LPCAT2: variants seen among roughly 807,000 people sequenced by gnomAD.
LPCAT2 encodes lysophosphatidylcholine acyltransferase 2.
A neutral mutation model predicts 64.7 loss-of-function variants in LPCAT2; 58 were observed. The observed-to-expected ratio is 0.90, with a 90% CI of 0.73 to 1.12. LPCAT2 has a LOEUF of 1.12. Among genes scored for constraint, LPCAT2 ranks in the 50% most tolerant of loss-of-function variants. LPCAT2 has a pLI of 0.00. For synonymous variants in LPCAT2, 252 were observed against 245.3 expected (o/e 1.03, Z -0.26); for missense variants, 579 against 669.8 (o/e 0.86, Z 1.50).
chr16:55,525,609 TC>T lies in LPCAT2; in HGVS notation c.275del (p.Pro92LeufsTer4). The T allele has an allele frequency of 6.2e-7, 1 of 1,611,136 alleles. No individual in the cohort carries two copies. The highest frequency in any genetic ancestry group is 8.5e-7 in the Non-Finnish European group (1 of 1,178,500). On this transcript the variant is annotated frameshift_variant, in exon 2 of 14. Transcript: ENST00000262134. LOFTEE classifies it high-confidence loss of function. Reference sequence around the variant, plus strand: ...TTGCTGCAATTTCAACAGTATGCTGTCCTGAAAAGCTGACCCACCCAATAAC... The same window carrying T: ...TTGCTGCAATTTCAACAGTATGCTGTCTGAAAAGCTGACCCACCCAATAAC... The part of the protein sequence containing the change: ...PFAAISTVCC[P>X]EKLTHPITGW...
At chr16:55,537,280 A>T (rs1162412069) in intron 7 of LPCAT2, among the ~76,000 whole-genome samples, 1 of 152,006 alleles carries the variant, frequency 6.6e-6, no homozygotes, top group Non-Finnish European at 1.5e-5. Flanking sequence ...AGTCTCAGCT[A>T]CTTGGGAGGC....
Position 55,525,552 on chromosome 16 carries a change from G to T in LPCAT2, c.216G>T (p.Leu72Phe). 1 of 1,610,338 alleles carries T rather than the reference G, an allele frequency of 6.2e-7. No individual in the cohort carries two copies. The highest frequency in any genetic ancestry group is 1.7e-5 in the Admixed American group (1 of 59,596). Residue 72 changes from leucine (L) to phenylalanine (F), a missense_variant, in exon 2 of 14, where the codon TTG (leucine) becomes TTT (phenylalanine). Coordinates refer to ENST00000262134, the MANE Select transcript of LPCAT2 (RefSeq NM_017839.5). ...GIILLPIRVL[L>F]VALILLLAWP... is the part of the protein sequence containing the mutation. Reference sequence around the variant, plus strand: ...TCTTGCTTCCAATTCGTGTCTTATTGGTTGCGTTAATTTTATTACTTGCAT... The same window carrying T: ...TCTTGCTTCCAATTCGTGTCTTATTTGTTGCGTTAATTTTATTACTTGCAT...
intron 8 of LPCAT2, chr16:55,541,836 A>G (rs1391307949): frequency 7.8e-7 from 1 of 1,285,384 alleles, no homozygotes; most frequent in South Asian, 1.2e-5. Context: ...TGTCTCATCT[A>G]GATGTTTCTG....
intron 12 of LPCAT2, among the ~76,000 whole-genome samples, chr16:55,575,119 T>C (rs1296876840): frequency 6.6e-6 from 1 of 152,206 alleles, no homozygotes; most frequent in East Asian, 1.9e-4. Flanking sequence ...TCATTCTGTA[T>C]GTCAGTGATA....
At chr16:55,529,304 C>A (rs1255253755) in intron 3 of LPCAT2, among the ~76,000 whole-genome samples, 1 of 151,446 alleles carries the variant, frequency 6.6e-6, no homozygotes, top group Non-Finnish European at 1.5e-5. Context: ...TCAGCTAAGA[C>A]ATTTTTTTTT....
At chr16:55,511,197 T>A (rs1474684064) in intron 1 of LPCAT2, among the ~76,000 whole-genome samples, 2 of 152,218 alleles carry the variant, frequency 1.3e-5, no homozygotes, top group Non-Finnish European at 2.9e-5. Flanking sequence ...ATATTGATAG[T>A]TATCCTATAT....
chr16:55,557,886 A>G (rs1475273576), intron 11 of LPCAT2, among the ~76,000 whole-genome samples: 1 of 152,182 alleles, frequency 6.6e-6, no homozygotes, highest in Non-Finnish European at 1.5e-5. Flanking sequence ...ACATGTCTTT[A>G]CATTCTCAGA....
intron 8 of LPCAT2, chr16:55,542,087 GA>G: frequency 1.5e-6 from 1 of 654,584 alleles, no homozygotes; most frequent in Non-Finnish European, 2.1e-6. Context: ...ATGTAGTCAA[GA>G]AAAAATGAAT....
chr16:55,510,112 G>A (rs1262648920), intron 1 of LPCAT2, among the ~76,000 whole-genome samples: 1 of 148,642 alleles, frequency 6.7e-6, no homozygotes, highest in Non-Finnish European at 1.5e-5. Flanking sequence ...GAAAGATTTA[G>A]CTGAGCAGGA....
At chr16:55,539,918 A>G (rs1963375514) in intron 8 of LPCAT2, 1 of 152,106 alleles carries the variant, frequency 6.6e-6, no homozygotes, top group Non-Finnish European at 1.5e-5. Context: ...TATGGTATTA[A>G]TTTTATGGTT....
chr16:55,544,794 G>A (rs1319112513), intron 8 of LPCAT2, among the ~76,000 whole-genome samples: 1 of 152,122 alleles, frequency 6.6e-6, no homozygotes, highest in African/African-American at 2.4e-5. Flanking sequence ...CAGGAAGGAT[G>A]GTTAGTGGAG....
intron 8 of LPCAT2, among the ~76,000 whole-genome samples, chr16:55,543,872 G>A (rs116614964): frequency 4.2e-4 from 64 of 152,324 alleles, no homozygotes; most frequent in African/African-American, 7.2e-4. Context: ...AACACTTTCT[G>A]CAGCTTGCAG....
rs761451244 is a variant in LPCAT2, at chr16:55,525,482, T to G, written c.172-26T>G. 4.4e-6 allele frequency: 7 copies of G among 1,595,068 alleles called. No individual in the cohort carries two copies. The Admixed American group carries it at 7.0e-5, about 16-fold the overall frequency. ...ATGAATTAAAATAATGTCCATTCAT[T>G]TATTTTTACCAACTTTGACTTTCAG... is the stretch of plus-strand genomic sequence containing the variant. On this transcript the variant is annotated intron_variant, in intron 1 of 13. Transcript: ENST00000262134.
At chr16:55,514,975 A>G (rs1962989499) in intron 1 of LPCAT2, among the ~76,000 whole-genome samples, 1 of 151,812 alleles carries the variant, frequency 6.6e-6, no homozygotes, top group South Asian at 2.1e-4. Context: ...ACAAAAAAAG[A>G]ATCAGCAAAC....
In LPCAT2 at chr16:55,545,915, G is replaced by A. The variant is rs190861495; in HGVS notation, c.935+98G>A. On this transcript the variant is annotated intron_variant, in intron 9 of 13. Transcript: ENST00000262134. ...AAGGATTTTTTTTTGACCCCTGAAG[G>A]CCTCGTTCCCCAATTCATTTTGATA... 88 of 787,232 alleles carry A rather than the reference G, an allele frequency of 1.1e-4. No homozygotes were observed. The East Asian group carries it at 1.8e-3, about 16-fold the overall frequency. The allele number at this position is 787,232 out of a possible 1,614,324, so 48.8% of individuals were successfully genotyped here.
chr16:55,554,509 T>C (rs1963553356), intron 11 of LPCAT2, among the ~76,000 whole-genome samples: 1 of 152,250 alleles, frequency 6.6e-6, no homozygotes, highest in Admixed American at 6.5e-5. Context: ...GTTAGAGCCT[T>C]ATTCTGGATT....
chr16:55,533,478 T>C (rs1210449688), intron 6 of LPCAT2, among the ~76,000 whole-genome samples: 2 of 148,160 alleles, frequency 1.3e-5, no homozygotes, highest in African/African-American at 5.0e-5. Context: ...TGGCGTGATC[T>C]TGGCTCACTA....
chr16:55,535,860 G>A (rs1963317099), intron 7 of LPCAT2, among the ~76,000 whole-genome samples: 2 of 152,120 alleles, frequency 1.3e-5, no homozygotes. Flanking sequence ...TCAAATAGGA[G>A]AAAGCTTTTC....
At chr16:55,575,620 G>A (rs1963818823) in intron 12 of LPCAT2, among the ~76,000 whole-genome samples, 1 of 152,070 alleles carries the variant, frequency 6.6e-6, no homozygotes, top group Non-Finnish European at 1.5e-5. Flanking sequence ...GACTTTCTTG[G>A]AGAAGAATGT....
Sources: gnomAD v4.1 joint callset for allele counts (sites outside exome capture counted in the v4.1 genomes callset) on GRCh38, gnomAD v4.1.1 for gene constraint, MANE v1.5 for transcripts, NCBI Gene and HGNC (gene_info 2026-07-23, HGNC 2026-07-21) for gene names.